VTI1A: variants seen among roughly 807,000 people sequenced by gnomAD.
VTI1A encodes vesicle transport through interaction with t-SNAREs 1A, also known as vesicle transport through interaction with t-SNAREs homolog 1A.
A neutral mutation model predicts 34.9 loss-of-function variants in VTI1A; 22 were observed. The ratio of observed to expected loss-of-function variants is 0.63; its 90% CI spans 0.45 to 0.90. The LOEUF is 0.90. VTI1A is among the 40% of genes least tolerant of loss of function. The pLI, the probability that VTI1A is intolerant of heterozygous loss-of-function variation, is 0.00. For synonymous variants in VTI1A, 87 were observed against 97.3 expected (o/e 0.89, Z 0.62); for missense variants, 268 against 275.6 (o/e 0.97, Z 0.20).
At chr10:112,610,871 A>G (rs1845278622) in intron 5 of VTI1A, among the ~76,000 whole-genome samples, 1 of 152,088 alleles carries the variant, frequency 6.6e-6, no homozygotes, top group Non-Finnish European at 1.5e-5. Context: ...GTGAGCTGAG[A>G]TCGCGCCACT....
At chr10:112,627,153 A>C (rs1845952425) in intron 5 of VTI1A, among the ~76,000 whole-genome samples, 1 of 152,240 alleles carries the variant, frequency 6.6e-6, no homozygotes, top group African/African-American at 2.4e-5. Context: ...TTTTTAAAAA[A>C]TAAAAATTCC....
chr10:112,531,482 GAAAAAAA>G (rs11284977), intron 4 of VTI1A, among the ~76,000 whole-genome samples: 2 of 140,104 alleles, frequency 1.4e-5, no homozygotes, highest in African/African-American at 2.6e-5. Flanking sequence ...CCTAAGCAAA[GAAAAAAA>G]AAAAAAAGAA....
chr10:112,782,415 G>A (rs539794509), intron 7 of VTI1A, among the ~76,000 whole-genome samples: 2 of 152,256 alleles, frequency 1.3e-5, no homozygotes, highest in African/African-American at 4.8e-5. Context: ...CGGCGTGGAA[G>A]CGCATGCTCT....
At chr10:112,526,796 G>A (rs927350752) in intron 3 of VTI1A, among the ~76,000 whole-genome samples, 1 of 151,940 alleles carries the variant, frequency 6.6e-6, no homozygotes, top group African/African-American at 2.4e-5. Context: ...TTTCAGCTTA[G>A]TGGTCTTATT....
At chr10:112,769,109 A>T (rs1303004016) in intron 7 of VTI1A, among the ~76,000 whole-genome samples, 1 of 152,348 alleles carries the variant, frequency 6.6e-6, no homozygotes, top group East Asian at 1.9e-4. Context: ...GCAAAGGGAA[A>T]TAACATGCAG....
At chr10:112,493,868 A>T (rs2134132454) in intron 3 of VTI1A, among the ~76,000 whole-genome samples, 1 of 152,130 alleles carries the variant, frequency 6.6e-6, no homozygotes, top group East Asian at 1.9e-4. Context: ...GTTTACTTAT[A>T]TTGTGTTAAG....
chr10:112,852,760 C>CTTGGT, the VTI1A span, among the ~76,000 whole-genome samples: 1 of 152,092 alleles, frequency 6.6e-6, no homozygotes, highest in African/African-American at 2.4e-5. Flanking sequence ...GACTGTCTTT[C>CTTGGT]TTGGTTTTGT....
In VTI1A at chr10:112,696,559, C is replaced by G. The variant is rs185528229; in HGVS notation, c.560+27561C>G. ...ACGTGGGATTGCTAAAATGAATTCT[C>G]TCATCGGGCTATTTGTTTTGGTCAA... On this transcript the variant is annotated intron_variant, in intron 7 of 7. Transcript: ENST00000393077. Among the ~76,000 whole-genome samples the G allele has an allele frequency of 1.4e-3, 209 of 152,310 alleles. 4 individuals are homozygous for G. Among genetic ancestry groups the G allele is most frequent in the Admixed American group, 0.012 (184 of 15,296 alleles).
chr10:112,653,826 C>T (rs1462698292), intron 5 of VTI1A, among the ~76,000 whole-genome samples: 5 of 152,140 alleles, frequency 3.3e-5, no homozygotes, highest in African/African-American at 7.2e-5. Context: ...TTTCAACCTA[C>T]GTGCTTGTTT....
At chr10:112,646,802 C>T (rs1314452822) in intron 5 of VTI1A, among the ~76,000 whole-genome samples, 2 of 152,128 alleles carry the variant, frequency 1.3e-5, no homozygotes, top group Non-Finnish European at 2.9e-5. Context: ...TGAGCCACCG[C>T]GCCCGGCTAC....
intron 7 of VTI1A, among the ~76,000 whole-genome samples, chr10:112,687,948 CTTT>C (rs11442025): frequency 5.2e-5 from 6 of 115,538 alleles, no homozygotes; most frequent in Admixed American, 8.7e-5. Context: ...GTGACCAAGT[CTTT>C]TTTTTTTTTT....
At chr10:112,811,064 A>G (rs1023885466) in intron 7 of VTI1A, among the ~76,000 whole-genome samples, 2 of 152,196 alleles carry the variant, frequency 1.3e-5, no homozygotes, top group Non-Finnish European at 2.9e-5. Context: ...GGCGGACGGT[A>G]GCGTTATCAC....
intron 5 of VTI1A, among the ~76,000 whole-genome samples, chr10:112,667,958 G>A (rs1847703993): frequency 6.6e-6 from 1 of 152,084 alleles, no homozygotes; most frequent in Admixed American, 6.6e-5. Context: ...TTGCTGGAGT[G>A]GCCTGGACAA....
At chr10:112,486,680 A>G (rs115458436) in intron 3 of VTI1A, among the ~76,000 whole-genome samples, 59 of 43,764 alleles carry the variant, frequency 1.3e-3, no homozygotes, top group African/African-American at 2.5e-3. Context: ...AGAATATACA[A>G]CTTATATTTA....
intron 5 of VTI1A, among the ~76,000 whole-genome samples, chr10:112,666,289 T>G (rs1028020612): frequency 8.5e-5 from 13 of 152,208 alleles, no homozygotes; most frequent in Admixed American, 8.5e-4. Flanking sequence ...GAAAGAATGT[T>G]AAGAATTTGT....
At chr10:112,470,749 G>A (rs1848046116) in intron 3 of VTI1A, among the ~76,000 whole-genome samples, 3 of 152,112 alleles carry the variant, frequency 2.0e-5, no homozygotes, top group Non-Finnish European at 4.4e-5. Flanking sequence ...AAAATTAGCC[G>A]GGCATGGTGG....
chr10:112,660,215 C>G (rs1847396710), intron 5 of VTI1A, among the ~76,000 whole-genome samples: 1 of 152,174 alleles, frequency 6.6e-6, no homozygotes, highest in African/African-American at 2.4e-5. Flanking sequence ...ATTCTCCTGC[C>G]TCAGCCTCCT....
At chr10:112,452,282 C>T (rs1847267426) in intron 1 of VTI1A, among the ~76,000 whole-genome samples, 3 of 152,070 alleles carry the variant, frequency 2.0e-5, no homozygotes, top group Admixed American at 1.3e-4. Flanking sequence ...AAAATTTAAG[C>T]ATTTAGGGCC....
intron 3 of VTI1A, among the ~76,000 whole-genome samples, chr10:112,523,626 C>G (rs947494381): frequency 3.3e-5 from 5 of 151,930 alleles, no homozygotes; most frequent in African/African-American, 1.2e-4. Context: ...TGAAGCTTTT[C>G]TACTCTTATG....
Sources: allele counts gnomAD v4.1 joint callset (sites outside exome capture counted in the v4.1 genomes callset), GRCh38; gene constraint gnomAD v4.1.1; transcripts MANE v1.5; gene names NCBI Gene and HGNC (gene_info 2026-07-23, HGNC 2026-07-21).